Variants in BBS9 observed in about 807,000 individuals in gnomAD.
BBS9 encodes the protein Bardet-Biedl syndrome 9.
A neutral mutation model predicts 117.7 loss-of-function variants in BBS9; 89 were observed. The observed-to-expected ratio is 0.76, with a 90% CI of 0.64 to 0.90. BBS9 has a LOEUF of 0.90. Among genes scored for constraint, BBS9 ranks in the 40% least tolerant of loss-of-function variants. The pLI, the probability that BBS9 is intolerant of heterozygous loss-of-function variation, is 0.00. For synonymous variants in BBS9, 379 were observed against 370.9 expected, an observed-to-expected ratio of 1.02 and a Z score of -0.25; for missense variants, 982 against 1,042.2, an observed-to-expected ratio of 0.94 and a Z score of 0.80.
chr7:33,535,785 C>T (rs1307441935), intron 21 of BBS9, among the ~76,000 whole-genome samples: 1 of 151,954 alleles, frequency 6.6e-6, no homozygotes, highest in East Asian at 1.9e-4. Flanking sequence ...AGGGCAGATA[C>T]ATTAATTTTA....
At chr7:33,177,640 A>G in intron 5 of BBS9, 49 bp downstream of exon 5, 1 of 1,293,226 alleles carries the variant, frequency 7.7e-7, no homozygotes, top group South Asian at 1.2e-5. Flanking sequence ...ACAGATTTAG[A>G]ATATTTGGTC....
At chr7:33,333,377 A>G (rs1266801969) in intron 9 of BBS9, among the ~76,000 whole-genome samples, 1 of 152,140 alleles carries the variant, frequency 6.6e-6, no homozygotes, top group Non-Finnish European at 1.5e-5. Flanking sequence ...GCTGCAAAAT[A>G]CATTGTTTCA....
At chr7:33,548,110 G>T (rs1454951791) in intron 21 of BBS9, among the ~76,000 whole-genome samples, 1 of 152,172 alleles carries the variant, frequency 6.6e-6, no homozygotes. Flanking sequence ...TGGAAGTAGG[G>T]TTGTTAATAC....
intron 9 of BBS9, among the ~76,000 whole-genome samples, chr7:33,322,331 A>G (rs1277211434): frequency 6.8e-6 from 1 of 146,480 alleles, no homozygotes; most frequent in African/African-American, 2.5e-5. Flanking sequence ...GGTATAATTC[A>G]GCAGTGAAAT....
At chr7:33,522,608 T>C (rs1216507058) in intron 20 of BBS9, among the ~76,000 whole-genome samples, 17 of 152,146 alleles carry the variant, frequency 1.1e-4, no homozygotes, top group Non-Finnish European at 2.1e-4. Flanking sequence ...GTTTTTTTCT[T>C]GTAAACTTGT....
intron 9 of BBS9, among the ~76,000 whole-genome samples, chr7:33,312,513 C>T (rs1167596234): frequency 1.3e-5 from 2 of 152,150 alleles, no homozygotes; most frequent in Non-Finnish European, 2.9e-5. Context: ...TATTGATTTC[C>T]TCCACTGGAG....
At chr7:33,367,162 A>T (rs1341177502) in intron 16 of BBS9, among the ~76,000 whole-genome samples, 1 of 152,104 alleles carries the variant, frequency 6.6e-6, no homozygotes, top group East Asian at 1.9e-4. Context: ...GTGCAGTTTG[A>T]GTAGGGTTTT....
At chr7:33,567,036 G>A (rs1036466456) in intron 21 of BBS9, among the ~76,000 whole-genome samples, 2 of 152,136 alleles carry the variant, frequency 1.3e-5, no homozygotes, top group African/African-American at 4.8e-5. Context: ...AATGATGATG[G>A]GGTTCTGTTC....
intron 5 of BBS9, among the ~76,000 whole-genome samples, chr7:33,211,085 G>T (rs1359033671): frequency 6.6e-6 from 1 of 152,122 alleles, no homozygotes. Context: ...TGTGTTTCTT[G>T]TAGGCAACAG....
chr7:33,539,918 G>A (rs891424697), intron 21 of BBS9, among the ~76,000 whole-genome samples: 1 of 152,236 alleles, frequency 6.6e-6, no homozygotes, highest in East Asian at 1.9e-4. Context: ...CCAATAAAAT[G>A]TTGGTAGCAG....
intron 19 of BBS9, among the ~76,000 whole-genome samples, chr7:33,389,843 G>C (rs1826745186): frequency 6.6e-6 from 1 of 152,032 alleles, no homozygotes; most frequent in Non-Finnish European, 1.5e-5. Flanking sequence ...TATGGTTTTT[G>C]GCAATTCCCT....
At chr7:33,202,944 G>A (rs928995823) in intron 5 of BBS9, among the ~76,000 whole-genome samples, 2 of 152,142 alleles carry the variant, frequency 1.3e-5, no homozygotes, top group Non-Finnish European at 2.9e-5. Flanking sequence ...CTTACCCATT[G>A]TCAACCTCCA....
chr7:33,282,808 A>G (rs1252561492), intron 9 of BBS9, among the ~76,000 whole-genome samples: 2 of 152,228 alleles, frequency 1.3e-5, no homozygotes, highest in Admixed American at 1.3e-4. Flanking sequence ...TCTCTAAACA[A>G]GAATAGAAAA....
intron 7 of BBS9, among the ~76,000 whole-genome samples, chr7:33,268,978 C>G (rs1799295443): frequency 6.6e-6 from 1 of 152,134 alleles, no homozygotes; most frequent in Non-Finnish European, 1.5e-5. Flanking sequence ...TATAGGTAAG[C>G]AATACTTGAG....
chr7:33,492,210 A>AAC (rs1376103291), intron 19 of BBS9, among the ~76,000 whole-genome samples: 2 of 145,438 alleles, frequency 1.4e-5, no homozygotes, highest in African/African-American at 5.4e-5. Flanking sequence ...CTCGAAAAAA[A>AAC]AAACAAAAAA....
chr7:33,583,239 T>G (rs1387023502), intron 21 of BBS9, among the ~76,000 whole-genome samples: 2 of 152,048 alleles, frequency 1.3e-5, no homozygotes, highest in Non-Finnish European at 2.9e-5. Flanking sequence ...TTCTCCCTAT[T>G]TTTATTTATT....
chr7:33,547,450 G>T (rs774076781), intron 21 of BBS9, among the ~76,000 whole-genome samples: 39 of 152,140 alleles, frequency 2.6e-4, no homozygotes, highest in Admixed American at 1.2e-3. Context: ...GAATAATCTA[G>T]AATATACATA....
intron 5 of BBS9, among the ~76,000 whole-genome samples, chr7:33,230,494 G>A (rs1792150133): frequency 6.6e-6 from 1 of 152,200 alleles, no homozygotes; most frequent in African/African-American, 2.4e-5. Flanking sequence ...GAGTAGTGAA[G>A]TTTAGGATTT....
intron 19 of BBS9, among the ~76,000 whole-genome samples, chr7:33,433,219 T>A (rs576076184): frequency 6.6e-6 from 1 of 152,352 alleles, no homozygotes; most frequent in East Asian, 1.9e-4. Flanking sequence ...TTGCATTTGC[T>A]GGTATCACAA....
Sources: gnomAD v4.1 joint callset for allele counts (sites outside exome capture counted in the v4.1 genomes callset) on GRCh38, gnomAD v4.1.1 for gene constraint, MANE v1.5 for transcripts, NCBI Gene and HGNC (gene_info 2026-07-23, HGNC 2026-07-21) for gene names.